Variants in FLT4 observed in about 807,000 individuals in gnomAD.
The protein encoded by FLT4 is vascular endothelial growth factor receptor 3.
In FLT4, 30 loss-of-function variants were observed where a neutral mutation model predicts 163.2. The ratio of observed to expected loss-of-function variants is 0.18; its 90% CI spans 0.14 to 0.25. FLT4 has a LOEUF of 0.25. Ranked by LOEUF, FLT4 falls within the 10% of genes least tolerant of loss-of-function variation. The pLI, the probability that FLT4 is intolerant of heterozygous loss-of-function variation, is 1.00. For synonymous variants in FLT4, 884 were observed against 789.5 expected, an observed-to-expected ratio of 1.12 and a Z score of -2.01; for missense variants, 1,510 against 1,863.8, an observed-to-expected ratio of 0.81 and a Z score of 3.50.
intron 29 of FLT4, among the ~76,000 whole-genome samples, chr5:180,603,628 G>A (rs1761624930): frequency 6.6e-6 from 1 of 152,220 alleles, no homozygotes; most frequent in African/African-American, 2.4e-5. Flanking sequence ...GAGGCCGGGT[G>A]CGGTGGCTCA....
At position 180,621,230 on chromosome 5, in the gene FLT4, C is replaced by T. The variant is rs1325289784; in HGVS notation, c.2043G>A (p.Thr681=). Residue 681 remains threonine (T), a synonymous_variant, in exon 14 of 30, where the codon ACG becomes ACA. Coordinates refer to ENST00000261937, the MANE Select transcript of FLT4 (RefSeq NM_182925.5). ...TCACCAGGAGGTCGGTCAAGTTCTGCGTGAGCCGAGGGGCTTCCAGGGCTG... is the reference window on the plus strand; with the variant it reads ...TCACCAGGAGGTCGGTCAAGTTCTGTGTGAGCCGAGGGGCTTCCAGGGCTG... The part of the protein sequence containing the change: ...SVQALEAPRL[T]QNLTDLLVNV... 6.2e-7 allele frequency: 1 copy of T among 1,612,568 alleles called. No homozygotes were observed. The highest frequency in any genetic ancestry group is 8.5e-7 in the Non-Finnish European group (1 of 1,179,800).
intron 20 of FLT4, 35 bp from the exon 21 acceptor site, chr5:180,618,955 G>C (rs1163589522): frequency 8.3e-6 from 13 of 1,558,748 alleles, no homozygotes; most frequent in Non-Finnish European, 1.0e-5. Flanking sequence ...AGGGCGCCCA[G>C]TCGTCCGCCG....
chr5:180,629,946 T>A lies in FLT4; in HGVS notation c.673A>T (p.Thr225Ser). The A allele has an allele frequency of 6.2e-7, 1 of 1,612,760 alleles. No homozygotes were observed. Among genetic ancestry groups the A allele is most frequent in the Non-Finnish European group, 8.5e-7 (1 of 1,179,980 alleles). The change falls in exon 5 of 30, where the codon ACA becomes TCA. Residue 225 changes from threonine to serine, a missense_variant. By Grantham distance (58) the Thr-to-Ser change is moderately conservative. Coordinates refer to ENST00000261937, the MANE Select transcript of FLT4 (RefSeq NM_182925.5). ...GAACGGGGCACAGCCCTGTTACCTG[T>A]GATGTGCACCAGGAAGGGGTTGGAA... ...FLSNPFLVHI[T>S]GNELYDIQLL...
intron 29 of FLT4, among the ~76,000 whole-genome samples, chr5:180,603,977 C>T (rs1001202720): frequency 3.4e-4 from 52 of 151,888 alleles, no homozygotes; most frequent in African/African-American, 1.2e-3. Flanking sequence ...TGCACTCCAG[C>T]CTGGGTGACA....
At position 180,618,926 on chromosome 5, in the gene FLT4, G is replaced by A. The variant is rs1354569979; in HGVS notation, c.2851-6C>T. On this transcript the variant is annotated splice_polypyrimidine_tract_variant and splice_region_variant and intron_variant, in intron 20 of 29. Transcript: ENST00000261937. ...CGCTGCTCGGGAGACTTCTCCTGCG[G>A]ATGCACGAAGCTGGCTCGAGGGCGC... 1 of 1,582,610 alleles carries A rather than the reference G, an allele frequency of 6.3e-7. No homozygotes were observed. The highest frequency in any genetic ancestry group is 1.1e-5 in the South Asian group (1 of 87,110).
intron 13 of FLT4, 118 bp downstream of exon 13, chr5:180,621,424 G>T: frequency 6.8e-7 from 1 of 1,464,570 alleles, no homozygotes. Context: ...AGGAGGGGTA[G>T]CTCCTGCAGG....
intron 23 of FLT4, among the ~76,000 whole-genome samples, chr5:180,614,705 G>C (rs994255877): frequency 6.6e-6 from 1 of 151,844 alleles, no homozygotes; most frequent in African/African-American, 2.4e-5. Flanking sequence ...TTCTGGACTG[G>C]CCTCTACCTC....
chr5:180,614,491 C>T lies in FLT4; in HGVS notation c.3220-312G>A, dbSNP rs2242216. ...TACACCTTCCTCCAGCCCTAGACCTCCAGCGCAGCCTCCTGATGAAACGCA... is the reference window on the plus strand; with the variant it reads ...TACACCTTCCTCCAGCCCTAGACCTTCAGCGCAGCCTCCTGATGAAACGCA... On this transcript the variant is annotated intron_variant, in intron 23 of 29. Coordinates refer to ENST00000261937, the MANE Select transcript of FLT4 (RefSeq NM_182925.5). Among the ~76,000 whole-genome samples the T allele has an allele frequency of 0.38, 57,642 of 151,926 alleles. 12,348 individuals carry two copies. Among genetic ancestry groups the T allele is most frequent in the Non-Finnish European group, 0.48 (32,315 of 67,878 alleles).
Position 180,603,234 on chromosome 5 carries a change from G to A in FLT4, c.4050C>T (p.Ser1350=), listed in dbSNP as rs1761604147. The A allele has an allele frequency of 3.7e-6, 6 of 1,614,146 alleles. No homozygotes were observed. The highest frequency in any genetic ancestry group is 5.1e-6 in the Non-Finnish European group (6 of 1,180,032). The change falls in exon 30 of 30, where the codon TCC becomes TCT. Residue 1350 remains serine (S), a synonymous_variant. Transcript: ENST00000261937. ...TGAAGAAAGTCACGCGGGCAGACGG[G>A]GAGCAGTGGTCCTCCTCGCTTGGCT... ...LSEPSEEDHC[S]PSARVTFFTD...
At chr5:180,644,933 T>G (rs1229052998) in intron 1 of FLT4, among the ~76,000 whole-genome samples, 4 of 152,238 alleles carry the variant, frequency 2.6e-5, no homozygotes, top group Non-Finnish European at 5.9e-5. Flanking sequence ...CCCCTTCCGC[T>G]TGGAGCAGCA....
intron 29 of FLT4, among the ~76,000 whole-genome samples, chr5:180,607,365 G>T (rs559529886): frequency 2.6e-5 from 4 of 152,194 alleles, no homozygotes; most frequent in African/African-American, 9.7e-5. Context: ...GGCCGGGCGC[G>T]GTGGCTCAGG....
intron 1 of FLT4, among the ~76,000 whole-genome samples, chr5:180,632,599 GGTGTGTGTGTGTGTGTGTGT>G (rs36217296): frequency 4.0e-5 from 6 of 150,716 alleles, no homozygotes; most frequent in South Asian, 4.2e-4. Flanking sequence ...CCCGTGAGGT[GGTGTGTGTGTGTGTGTGTGT>G]GTGTGTGTGT....
chr5:180,633,664 T>A (rs1764338675), intron 1 of FLT4, among the ~76,000 whole-genome samples: 1 of 152,068 alleles, frequency 6.6e-6, no homozygotes. Flanking sequence ...GAGGGGGATT[T>A]TTTTTCCAGG....
At position 180,626,363 on chromosome 5, in the gene FLT4, G is replaced by A. The variant is rs995476339; in HGVS notation, c.1104-98C>T. On this transcript the variant is annotated intron_variant, in intron 8 of 29. Coordinates refer to ENST00000261937, the MANE Select transcript of FLT4 (RefSeq NM_182925.5). ...CCAAATACAGTTGGGAGGAGGGAGG[G>A]GCTGGCAGGAGTGCAGGGTAGGACG... The A allele has an allele frequency of 6.4e-6, 9 of 1,400,636 alleles. No individual in the cohort carries two copies. The African/African-American group carries it at 7.0e-5, about 11-fold the overall frequency. 86.8% of individuals were successfully genotyped at this position (1,400,636 alleles called of 1,614,324 possible). A position where few individuals can be genotyped will look rare whatever the true frequency, so the allele number is the denominator to read the frequency against.
chr5:180,634,231 T>C (rs929986351), intron 1 of FLT4, among the ~76,000 whole-genome samples: 4 of 152,362 alleles, frequency 2.6e-5, no homozygotes, highest in Non-Finnish European at 4.4e-5. Flanking sequence ...CTTTAGGGTC[T>C]AGTTCAGACG....
intron 1 of FLT4, among the ~76,000 whole-genome samples, chr5:180,649,128 C>T (rs1765625345): frequency 6.6e-6 from 1 of 151,672 alleles, no homozygotes; most frequent in Non-Finnish European, 1.5e-5. Context: ...GCGGGGACCC[C>T]GCGGGGAAGC....
intron 23 of FLT4, among the ~76,000 whole-genome samples, chr5:180,615,032 T>C (rs1411203275): frequency 1.3e-5 from 2 of 151,972 alleles, no homozygotes; most frequent in Non-Finnish European, 2.9e-5. Flanking sequence ...CACAGAATGC[T>C]TTGCACTCTC....
Position 180,619,684 on chromosome 5 carries a change from C to A in FLT4, c.2628G>T (p.Val876=). The A allele has an allele frequency of 6.2e-7, 1 of 1,612,602 alleles. No homozygotes were observed. The highest frequency in any genetic ancestry group is 8.5e-7 in the Non-Finnish European group (1 of 1,179,796). ...GIHKGSSCDT[V]AVKMLKEGAT... is the part of the protein sequence containing the mutation. Reference sequence around the variant, plus strand: ...CCACACCTTTCAGCATTTTCACGGCCACGGTGTCACAGCTGCTGCCCTTGT... The same window carrying A: ...CCACACCTTTCAGCATTTTCACGGCAACGGTGTCACAGCTGCTGCCCTTGT... The change falls in exon 18 of 30, where the codon GTG becomes GTT. Residue 876 remains valine (V), a synonymous_variant. Coordinates refer to ENST00000261937, the MANE Select transcript of FLT4 (RefSeq NM_182925.5).
At chr5:180,631,438 A>C (rs773367875) in intron 2 of FLT4, among the ~76,000 whole-genome samples, 21 of 151,680 alleles carry the variant, frequency 1.4e-4, no homozygotes, top group Non-Finnish European at 2.4e-4. Flanking sequence ...GCACCACTGC[A>C]CTCCAGCCTG....
Sources: allele counts gnomAD v4.1 joint callset (sites outside exome capture counted in the v4.1 genomes callset), GRCh38; gene constraint gnomAD v4.1.1; transcripts MANE v1.5; gene names NCBI Gene and HGNC (gene_info 2026-07-23, HGNC 2026-07-21).